The following CNTN5 variants were observed in gnomAD, a reference collection of about 807,000 sequenced individuals.
The protein encoded by CNTN5 is contactin-5.
CNTN5 carries 77 observed loss-of-function variants against 129.1 expected under a neutral mutation model. The ratio of observed to expected loss-of-function variants is 0.60; its 90% CI spans 0.50 to 0.72. CNTN5 has a LOEUF of 0.72. Ranked by LOEUF, CNTN5 falls within the 30% of genes least tolerant of loss-of-function variation. The probability of loss-of-function intolerance (pLI) is 0.00; values close to 1 mark genes in which losing one functional copy is unlikely to be tolerated. For synonymous variants in CNTN5, 509 were observed against 465.6 expected (o/e 1.09, Z -1.20); for missense variants, 1,478 against 1,328.8 (o/e 1.11, Z -1.75).
Position 99,531,669 on chromosome 11 carries a change from G to A in CNTN5, c.-70-24476G>A, listed in dbSNP as rs189612594. On this transcript the variant is annotated intron_variant, in intron 2 of 24. Coordinates refer to ENST00000524871, the MANE Select transcript of CNTN5 (RefSeq NM_014361.4). ...GGACTTGGTGCACTGTGTCCCAACC[G>A]TTCCAGCCGTGGCTGAAAGGGGCCA... Among the ~76,000 whole-genome samples, 258 of 152,306 alleles carry A rather than the reference G, an allele frequency of 1.7e-3. 4 individuals carry two copies. In the East Asian group the frequency reaches 0.038, roughly 22 times the overall value.
intron 3 of CNTN5, among the ~76,000 whole-genome samples, chr11:99,685,862 TC>T (rs1306068262): frequency 6.6e-6 from 1 of 152,056 alleles, no homozygotes; most frequent in Non-Finnish European, 1.5e-5. Context: ...TCTTGTATAC[TC>T]CTTTTTTCCT....
chr11:100,287,641 C>A (rs551583051), intron 18 of CNTN5, among the ~76,000 whole-genome samples: 53 of 151,756 alleles, frequency 3.5e-4, no homozygotes, highest in African/African-American at 1.0e-3. Flanking sequence ...CGGTACCAGC[C>A]GCTGCAAAAT....
chr11:100,207,879 G>A (rs781690233), intron 15 of CNTN5, among the ~76,000 whole-genome samples: 1 of 152,124 alleles, frequency 6.6e-6, no homozygotes, highest in East Asian at 1.9e-4. Context: ...AATATCAAAT[G>A]CTTCCATTTG....
chr11:100,234,226 G>T (rs1289595434), intron 16 of CNTN5, among the ~76,000 whole-genome samples: 4 of 100,654 alleles, frequency 4.0e-5, no homozygotes, highest in African/African-American at 1.2e-4. Flanking sequence ...CATTGTAGAA[G>T]ACAGTGTGGT....
intron 3 of CNTN5, among the ~76,000 whole-genome samples, chr11:99,664,422 G>A (rs1952710597): frequency 6.6e-6 from 1 of 152,030 alleles, no homozygotes; most frequent in Admixed American, 6.6e-5. Context: ...GAGATCTCCA[G>A]GATCCAGAAA....
intron 1 of CNTN5, among the ~76,000 whole-genome samples, chr11:99,176,553 C>CA (rs1857783357): frequency 6.6e-6 from 1 of 152,192 alleles, no homozygotes; most frequent in Admixed American, 6.5e-5. Context: ...CTGTAAATGG[C>CA]AACTCCACAT....
At chr11:100,193,210 T>C (rs1208657013) in intron 14 of CNTN5, among the ~76,000 whole-genome samples, 1 of 151,898 alleles carries the variant, frequency 6.6e-6, no homozygotes, top group Non-Finnish European at 1.5e-5. Context: ...CCTTCCATAA[T>C]GTCAAATGCT....
intron 2 of CNTN5, among the ~76,000 whole-genome samples, chr11:99,361,331 T>C (rs1939096784): frequency 6.6e-6 from 1 of 152,154 alleles, no homozygotes; most frequent in African/African-American, 2.4e-5. Context: ...GCAACCAAAA[T>C]GGACTAAGAT....
rs561534095 is a variant in CNTN5, at chr11:99,962,985, G to A, written c.877+5976G>A. 6.1e-4 allele frequency among the ~76,000 whole-genome samples: 92 copies of A among 151,860 alleles called. No individual in the cohort carries two copies. The South Asian group carries it at 0.011, about 19-fold the overall frequency. ...TGAGAAGTGTCTGTTCATATCCTTCGCCCACTTTTTGATGGGGTTGTTTGT... is the reference window on the plus strand; with the variant it reads ...TGAGAAGTGTCTGTTCATATCCTTCACCCACTTTTTGATGGGGTTGTTTGT... On this transcript the variant is annotated intron_variant, in intron 8 of 24. Transcript: ENST00000524871.
intron 17 of CNTN5, among the ~76,000 whole-genome samples, chr11:100,263,204 G>GTA (rs1358992199): frequency 6.6e-6 from 1 of 152,120 alleles, no homozygotes; most frequent in Non-Finnish European, 1.5e-5. Flanking sequence ...ATCTTTAGAA[G>GTA]CAATTGTCCA....
intron 1 of CNTN5, among the ~76,000 whole-genome samples, chr11:99,234,730 A>C (rs532050082): frequency 2.0e-5 from 3 of 151,862 alleles, no homozygotes; most frequent in Non-Finnish European, 4.4e-5. Flanking sequence ...TAATAATGTA[A>C]ATTTTAAATA....
intron 2 of CNTN5, among the ~76,000 whole-genome samples, chr11:99,362,242 G>A (rs1320259230): frequency 6.6e-6 from 1 of 152,032 alleles, no homozygotes; most frequent in African/African-American, 2.4e-5. Context: ...TAAAGATGCT[G>A]AGCAGCTTTT....
intron 3 of CNTN5, among the ~76,000 whole-genome samples, chr11:99,674,132 T>C (rs779764191): frequency 6.6e-5 from 10 of 152,188 alleles, no homozygotes; most frequent in Non-Finnish European, 1.3e-4. Flanking sequence ...ATTTTTTGAC[T>C]TCTTAAGCAT....
intron 3 of CNTN5, among the ~76,000 whole-genome samples, chr11:99,631,303 T>C (rs1280957024): frequency 6.6e-6 from 1 of 152,120 alleles, no homozygotes; most frequent in South Asian, 2.1e-4. Flanking sequence ...CTTTGATGTG[T>C]TTCAGACCCA....
chr11:99,377,690 T>C (rs1940268496), intron 2 of CNTN5, among the ~76,000 whole-genome samples: 1 of 152,144 alleles, frequency 6.6e-6, no homozygotes, highest in Non-Finnish European at 1.5e-5. Context: ...ATAACTGTAG[T>C]GCTACATATT....
intron 13 of CNTN5, among the ~76,000 whole-genome samples, chr11:100,107,549 G>A (rs1945488346): frequency 2.1e-5 from 3 of 142,184 alleles, no homozygotes; most frequent in South Asian, 4.4e-4. Context: ...AGCAGAATCA[G>A]ATAAATGTTT....
chr11:99,578,400 C>T (rs1228455725), intron 3 of CNTN5, among the ~76,000 whole-genome samples: 20 of 145,960 alleles, frequency 1.4e-4, no homozygotes, highest in Middle Eastern at 3.5e-3. Flanking sequence ...TGAGGAATCG[C>T]CACAATGACT....
chr11:100,340,429 A>G (rs200955468), intron 21 of CNTN5, 34 bp from the exon 22 acceptor site: 16 of 1,535,514 alleles, frequency 1.0e-5, no homozygotes, highest in Non-Finnish European at 8.9e-7. Flanking sequence ...AGGAAGCTTT[A>G]AAATTAACCT....
intron 3 of CNTN5, among the ~76,000 whole-genome samples, chr11:99,602,593 AAC>A (rs1950348098): frequency 6.6e-6 from 1 of 152,148 alleles, no homozygotes; most frequent in African/African-American, 2.4e-5. Context: ...TAAGGAAAAC[AAC>A]ACATGGTTTG....
Sources: allele counts gnomAD v4.1 joint callset (sites outside exome capture counted in the v4.1 genomes callset), GRCh38; gene constraint gnomAD v4.1.1; transcripts MANE v1.5; gene names NCBI Gene and HGNC (gene_info 2026-07-23, HGNC 2026-07-21).